Variants in MACF1 observed in about 807,000 individuals in gnomAD.
The protein encoded by MACF1 is microtubule actin crosslinking factor 1.
Under a neutral mutation model 854.8 loss-of-function variants are expected in MACF1, and 193 were observed. The observed-to-expected ratio is 0.23, with a 90% CI of 0.20 to 0.25. The LOEUF is 0.25. MACF1 is among the 10% of genes least tolerant of loss of function. The pLI, the probability that MACF1 is intolerant of heterozygous loss-of-function variation, is 1.00. For synonymous variants in MACF1, 3,185 were observed against 3,226.7 expected (o/e 0.99, Z 0.44); for missense variants, 7,722 against 8,929.1 (o/e 0.86, Z 5.45).
intron 2 of MACF1, among the ~76,000 whole-genome samples, chr1:39,188,930 G>A (rs963723941): frequency 2.6e-5 from 4 of 152,040 alleles, no homozygotes; most frequent in African/African-American, 9.7e-5. Context: ...TAGAGGCGGG[G>A]TTTCACCATG....
intron 2 of MACF1, among the ~76,000 whole-genome samples, chr1:39,238,178 T>C (rs536709877): frequency 6.6e-6 from 1 of 152,334 alleles, no homozygotes; most frequent in South Asian, 2.1e-4. Flanking sequence ...AATGTGCGTC[T>C]GTCCCTGACT....
At chr1:39,228,977 C>T (rs1482070948) in intron 1 of MACF1, among the ~76,000 whole-genome samples, 3 of 152,138 alleles carry the variant, frequency 2.0e-5, no homozygotes, top group African/African-American at 7.2e-5. Flanking sequence ...TCTAACAGTC[C>T]CAAATGAGAG....
intron 2 of MACF1, among the ~76,000 whole-genome samples, chr1:39,191,406 A>T (rs1343294990): frequency 6.6e-6 from 1 of 152,164 alleles, no homozygotes; most frequent in African/African-American, 2.4e-5. Flanking sequence ...AACTCCATAG[A>T]TTCATGTCTG....
At position 39,288,414 on chromosome 1, in the gene MACF1, C is replaced by T. The variant is rs141664782; in HGVS notation, c.1785+852C>T. Among the ~76,000 whole-genome samples, 1,139 of 151,174 alleles carry T rather than the reference C, an allele frequency of 7.5e-3. 9 individuals carry two copies. Among genetic ancestry groups the T allele is most frequent in the Middle Eastern group, 0.017 (5 of 294 alleles). ...TTGGGAGGCTGAGGCAGGAGAATGG[C>T]GTGAACCAGGGAAGTGAAGCTTGCA... is the stretch of plus-strand genomic sequence containing the variant. On this transcript the variant is annotated intron_variant, in intron 15 of 100. Coordinates refer to ENST00000564288, the MANE Select transcript of MACF1 (RefSeq NM_001394062.1).
intron 49 of MACF1, among the ~76,000 whole-genome samples, chr1:39,363,818 T>C (rs1648427175): frequency 6.6e-6 from 1 of 152,108 alleles, no homozygotes; most frequent in East Asian, 1.9e-4. Flanking sequence ...TTTCACCATG[T>C]TGGCCAGGAT....
rs762208199 is a variant in MACF1 at position 39,285,706 on chromosome 1, C to T, written c.1456C>T (p.Leu486Phe). 1 of 1,614,088 alleles carries T rather than the reference C, an allele frequency of 6.2e-7. No homozygotes were observed. The highest frequency in any genetic ancestry group is 8.5e-7 in the Non-Finnish European group (1 of 1,180,022). ...TCTCATCAGGCAGCTGCAGGTGGAT[C>T]TCCAGATCCTGCGGGATGAGAATTA... Reference protein sequence around the residue: ...EGLIRQLQVDLQILRDENYYQ... With the variant: ...EGLIRQLQVDFQILRDENYYQ... Residue 486 changes from leucine to phenylalanine, a missense_variant, in exon 14 of 101, where the codon CTC (leucine) becomes TTC (phenylalanine). By Grantham distance (22) the Leu-to-Phe change is conservative (BLOSUM62 0). This residue lies in a region of MACF1 where 1,137 missense variants were observed against 1,263.0 expected (regional missense o/e 0.90). Coordinates refer to ENST00000564288, the MANE Select transcript of MACF1 (RefSeq NM_001394062.1).
intron 6 of MACF1, among the ~76,000 whole-genome samples, chr1:39,261,953 C>T (rs1645168158): frequency 6.6e-6 from 1 of 152,188 alleles, no homozygotes; most frequent in Admixed American, 6.5e-5. Context: ...TTTACATCCT[C>T]ACCAGTATTT....
chr1:39,442,606 T>C (rs1162108713), intron 77 of MACF1, 39 bp downstream of exon 77: 1 of 1,612,958 alleles, frequency 6.2e-7, no homozygotes, highest in Non-Finnish European at 8.5e-7. Flanking sequence ...CCCTATTGAT[T>C]TGAGACCAGA....
At chr1:39,433,180 A>G (rs1643902714) in intron 68 of MACF1, 25 bp downstream of exon 68, 2 of 1,391,832 alleles carry the variant, frequency 1.4e-6, no homozygotes, top group Non-Finnish European at 2.0e-6. Context: ...TTTATTTGCC[A>G]TATTGTTCCT....
intron 1 of MACF1, chr1:39,206,959 A>T (rs1480935256): frequency 1.3e-5 from 2 of 151,472 alleles, no homozygotes; most frequent in East Asian, 1.9e-4. Flanking sequence ...AAACACAAAG[A>T]TCGCTTCTTC....
intron 1 of MACF1, among the ~76,000 whole-genome samples, chr1:39,209,661 C>A (rs1644493487): frequency 6.6e-6 from 1 of 151,888 alleles, no homozygotes; most frequent in Non-Finnish European, 1.5e-5. Context: ...AAGCAGTTCC[C>A]TTTATCATAC....
chr1:39,112,473 A>G (rs1388626643), intron 2 of MACF1, among the ~76,000 whole-genome samples: 1 of 152,160 alleles, frequency 6.6e-6, no homozygotes, highest in African/African-American at 2.4e-5. Context: ...ACTTGAGGCC[A>G]GGAGTTCGAG....
intron 18 of MACF1, 47 bp downstream of exon 18, chr1:39,293,666 C>A: frequency 6.4e-7 from 1 of 1,562,310 alleles, no homozygotes; most frequent in South Asian, 1.2e-5. Context: ...TTAACAGCAG[C>A]AGAAGGAGAC....
At chr1:39,350,762 C>G in intron 42 of MACF1, 23 bp from the exon 43 acceptor site, 1 of 1,571,720 alleles carries the variant, frequency 6.4e-7, no homozygotes, top group East Asian at 2.2e-5. Flanking sequence ...AAGGCTCTGC[C>G]ATTCCTATTT....
At chr1:39,228,296 G>A (rs994298150) in intron 1 of MACF1, among the ~76,000 whole-genome samples, 20 of 152,122 alleles carry the variant, frequency 1.3e-4, no homozygotes, top group African/African-American at 4.3e-4. Context: ...GGTGACAAAA[G>A]CGAAACTCTG....
At chr1:39,366,788 G>A (rs992066107) in intron 49 of MACF1, among the ~76,000 whole-genome samples, 6 of 147,020 alleles carry the variant, frequency 4.1e-5, no homozygotes, top group African/African-American at 1.5e-4. Flanking sequence ...TCCGCCTCCT[G>A]GGTTCCAGCA....
At chr1:39,207,131 G>C (rs1379742558) in intron 1 of MACF1, among the ~76,000 whole-genome samples, 1 of 151,658 alleles carries the variant, frequency 6.6e-6, no homozygotes, top group Non-Finnish European at 1.5e-5. Flanking sequence ...TAGTGAAGTG[G>C]GTAATTAATT....
At chr1:39,257,297 T>C (rs1011219032) in intron 5 of MACF1, among the ~76,000 whole-genome samples, 1 of 116,914 alleles carries the variant, frequency 8.6e-6, no homozygotes, top group Non-Finnish European at 1.8e-5. Context: ...CCGAGTGAAA[T>C]AAAAAGACAG....
chr1:39,224,367 G>T (rs999566086), intron 1 of MACF1, among the ~76,000 whole-genome samples: 7 of 152,132 alleles, frequency 4.6e-5, no homozygotes, highest in African/African-American at 1.4e-4. Flanking sequence ...CAGAAGAGAA[G>T]AAACAACCAA....
Sources: allele counts gnomAD v4.1 joint callset (sites outside exome capture counted in the v4.1 genomes callset), GRCh38; gene constraint gnomAD v4.1.1; regional missense constraint gnomAD v4.1.1; transcripts MANE v1.5; gene names NCBI Gene and HGNC (gene_info 2026-07-23, HGNC 2026-07-21).